CCDC39: variants seen among roughly 807,000 people sequenced by gnomAD.
CCDC39 encodes coiled-coil domain-containing protein 39.
Under a neutral mutation model 121.0 loss-of-function variants are expected in CCDC39, and 113 were observed. That is an observed-to-expected ratio of 0.93 (90% CI 0.80 to 1.09). The LOEUF (loss-of-function observed/expected upper bound fraction) is 1.09, where lower values mean the gene tolerates loss of function less well. Among genes scored for constraint, CCDC39 ranks in the 50% least tolerant of loss-of-function variants. The pLI is 0.00. For synonymous variants in CCDC39, 349 were observed against 352.2 expected, an observed-to-expected ratio of 0.99 and a Z score of 0.10; for missense variants, 1,063 against 1,074.7, an observed-to-expected ratio of 0.99 and a Z score of 0.15.
intron 1 of CCDC39, among the ~76,000 whole-genome samples, chr3:180,670,327 G>C (rs1712004472): frequency 6.6e-6 from 1 of 152,104 alleles, no homozygotes; most frequent in Admixed American, 6.6e-5. Flanking sequence ...GTGTGTGTGT[G>C]TGTGTGTGTA....
chr3:180,620,502 C>T (rs943554446), intron 14 of CCDC39, among the ~76,000 whole-genome samples: 15 of 151,906 alleles, frequency 9.9e-5, no homozygotes, highest in African/African-American at 2.9e-4. Flanking sequence ...AAAATTATTT[C>T]CTCTAAGAGT....
chr3:180,657,176 G>GT (rs1193319615), intron 6 of CCDC39, among the ~76,000 whole-genome samples: 3 of 152,136 alleles, frequency 2.0e-5, no homozygotes, highest in African/African-American at 7.2e-5. Context: ...TAGATCAGGG[G>GT]TTTTTTCAAA....
chr3:180,672,627 A>T (rs976351442), intron 1 of CCDC39, among the ~76,000 whole-genome samples: 1 of 152,248 alleles, frequency 6.6e-6, no homozygotes, highest in African/African-American at 2.4e-5. Flanking sequence ...CTAACTGACA[A>T]TGCACCCGGT....
At chr3:180,659,318 T>C (rs2108428647) in intron 6 of CCDC39, 134 bp downstream of exon 6, 1 of 1,143,356 alleles carries the variant, frequency 8.7e-7, no homozygotes, top group East Asian at 2.6e-5. Context: ...CTTTCAAAAA[T>C]ATTTACCAAA....
chr3:180,643,121 G>A (rs569872539), intron 12 of CCDC39, among the ~76,000 whole-genome samples: 3 of 151,932 alleles, frequency 2.0e-5, no homozygotes, highest in East Asian at 1.9e-4. Context: ...CACCACGCCC[G>A]GCTAATTTTT....
intron 14 of CCDC39, among the ~76,000 whole-genome samples, chr3:180,627,867 A>G (rs1376521046): frequency 6.6e-6 from 1 of 152,186 alleles, no homozygotes; most frequent in African/African-American, 2.4e-5. Context: ...AACCTGTGGT[A>G]CCCCAGAAGG....
chr3:180,648,924 A>G (rs1478879549), intron 9 of CCDC39, among the ~76,000 whole-genome samples: 2 of 152,180 alleles, frequency 1.3e-5, no homozygotes, highest in Non-Finnish European at 1.5e-5. Flanking sequence ...GAAGAAATTC[A>G]CAGAAACAGA....
Position 180,616,617 on chromosome 3 carries a change from G to C in CCDC39, c.2485C>G (p.Arg829Gly), listed in dbSNP as rs781020567. 6.9e-6 allele frequency: 11 copies of C among 1,594,284 alleles called. No homozygotes were observed. In the East Asian group the frequency reaches 1.8e-4, roughly 26 times the overall value. ...ETMEEQDIKL[R>G]EMKQFHKVID... ...ACTTTGTGAAACTGTTTCATTTCACGAAGTTTGATGTCTTGTTCTTCCATT... is the reference window on the plus strand; with the variant it reads ...ACTTTGTGAAACTGTTTCATTTCACCAAGTTTGATGTCTTGTTCTTCCATT... The change falls in exon 18 of 20, where the codon CGT becomes GGT. Residue 829 changes from arginine to glycine, a missense_variant. By Grantham distance (125) the Arg-to-Gly change is moderately radical (BLOSUM62 -2). Coordinates refer to ENST00000476379, the MANE Select transcript of CCDC39 (RefSeq NM_181426.2).
At chr3:180,616,206 G>T in intron 19 of CCDC39, 75 bp downstream of exon 19, 2 of 1,243,128 alleles carry the variant, frequency 1.6e-6, no homozygotes, top group Non-Finnish European at 2.4e-6. Context: ...CAGCTGCGGT[G>T]ATGTAGAAGT....
intron 1 of CCDC39, among the ~76,000 whole-genome samples, chr3:180,669,930 T>C (rs1323791446): frequency 6.6e-6 from 1 of 152,206 alleles, no homozygotes; most frequent in Non-Finnish European, 1.5e-5. Context: ...AAAGGGGCAC[T>C]GACTTCACAG....
At chr3:180,628,874 A>G (rs1016867274) in intron 14 of CCDC39, among the ~76,000 whole-genome samples, 3 of 152,216 alleles carry the variant, frequency 2.0e-5, no homozygotes, top group African/African-American at 7.2e-5. Context: ...AACATAATAT[A>G]TGTATCCATC....
intron 3 of CCDC39, among the ~76,000 whole-genome samples, 160 bp from the exon 4 acceptor site, chr3:180,660,888 A>G (rs1711727118): frequency 6.6e-6 from 1 of 152,066 alleles, no homozygotes; most frequent in Non-Finnish European, 1.5e-5. Flanking sequence ...TTTTAATAAT[A>G]TAAACTATAA....
intron 6 of CCDC39, among the ~76,000 whole-genome samples, chr3:180,657,746 C>G (rs548586109): frequency 6.6e-6 from 1 of 152,234 alleles, no homozygotes; most frequent in African/African-American, 2.4e-5. Context: ...GGAACTCGCT[C>G]TTTTTTCCCT....
At position 180,660,745 on chromosome 3, in the gene CCDC39, G is replaced by A. The variant is rs1341610761; in HGVS notation, c.358-17C>T. 6.3e-7 allele frequency: 1 copy of A among 1,589,238 alleles called. No individual in the cohort carries two copies. Among genetic ancestry groups the A allele is most frequent in the Admixed American group, 1.8e-5 (1 of 56,772 alleles). ...TATGCCATTCTAATTTCCAAAGAGAGAGAGAAAAGGGGAGATTACAAAACA... is the reference window on the plus strand; with the variant it reads ...TATGCCATTCTAATTTCCAAAGAGAAAGAGAAAAGGGGAGATTACAAAACA... On this transcript the variant is annotated splice_polypyrimidine_tract_variant and intron_variant, in intron 3 of 19. Transcript: ENST00000476379.
At chr3:180,646,281 G>GA (rs139959260) in intron 11 of CCDC39, among the ~76,000 whole-genome samples, 32 of 143,854 alleles carry the variant, frequency 2.2e-4, no homozygotes, top group Middle Eastern at 3.6e-3. Context: ...TTCTTAAGAA[G>GA]AAAAAAAAAA....
intron 1 of CCDC39, among the ~76,000 whole-genome samples, chr3:180,667,920 GA>G (rs1355584697): frequency 2.0e-5 from 3 of 152,158 alleles, no homozygotes; most frequent in Non-Finnish European, 4.4e-5. Flanking sequence ...TGCTGAAATG[GA>G]AAAAGTGAGG....
At chr3:180,660,156 TAATC>T (rs1036224519) in intron 4 of CCDC39, among the ~76,000 whole-genome samples, 10 of 152,110 alleles carry the variant, frequency 6.6e-5, no homozygotes, top group African/African-American at 2.4e-4. Flanking sequence ...TTTTATAACA[TAATC>T]AATAGCACTA....
At chr3:180,617,240 G>A in intron 16 of CCDC39, 1 of 471,594 alleles carries the variant, frequency 2.1e-6, no homozygotes, top group Non-Finnish European at 3.7e-6. Context: ...GGTGATGGCT[G>A]GTGTAAACAA....
chr3:180,648,746 C>T (rs1718132345), intron 9 of CCDC39, among the ~76,000 whole-genome samples: 1 of 152,166 alleles, frequency 6.6e-6, no homozygotes, highest in South Asian at 2.1e-4. Flanking sequence ...CACCCAATCT[C>T]CCACCTTTCA....
Sources: allele counts gnomAD v4.1 joint callset (sites outside exome capture counted in the v4.1 genomes callset), GRCh38; gene constraint gnomAD v4.1.1; transcripts MANE v1.5; gene names NCBI Gene and HGNC (gene_info 2026-07-23, HGNC 2026-07-21).